The following SYT11 variants were observed in gnomAD, a reference collection of about 807,000 sequenced individuals.
SYT11 encodes the protein synaptotagmin 11, also known as synaptotagmin-11.
SYT11 carries 12 observed loss-of-function variants against 30.4 expected under a neutral mutation model. That is an observed-to-expected ratio of 0.39 (90% confidence interval 0.25 to 0.64). SYT11 has a LOEUF of 0.64. SYT11 is among the 30% of genes least tolerant of loss of function. SYT11 has a pLI of 0.45. For missense variants in SYT11, 412 were observed against 552.0 expected (o/e 0.75, Z 2.54); for synonymous variants, 204 against 216.0 (o/e 0.94, Z 0.49).
intron 1 of SYT11, among the ~76,000 whole-genome samples, chr1:155,867,064 C>T (rs1476502302): frequency 2.1e-5 from 3 of 145,970 alleles, no homozygotes; most frequent in Admixed American, 6.9e-5. Flanking sequence ...GGAGGAATAC[C>T]TTTTTTTTTT....
At chr1:155,861,845 C>T (rs991169932) in intron 1 of SYT11, among the ~76,000 whole-genome samples, 2 of 152,108 alleles carry the variant, frequency 1.3e-5, no homozygotes, top group Admixed American at 6.5e-5. Flanking sequence ...CTTGAACTCC[C>T]GACCTCAGGT....
chr1:155,872,347 C>G (rs1672792532), intron 2 of SYT11, among the ~76,000 whole-genome samples: 1 of 152,192 alleles, frequency 6.6e-6, no homozygotes, highest in African/African-American at 2.4e-5. Flanking sequence ...CATCTGGCCT[C>G]AAGAAGGGTT....
intron 2 of SYT11, among the ~76,000 whole-genome samples, chr1:155,873,242 A>G (rs962810445): frequency 3.3e-5 from 5 of 152,168 alleles, no homozygotes; most frequent in Non-Finnish European, 7.4e-5. Flanking sequence ...CCTGGCCAAC[A>G]TGGTGAAACC....
chr1:155,877,717 C>A (rs902369396), intron 2 of SYT11, among the ~76,000 whole-genome samples: 1 of 151,882 alleles, frequency 6.6e-6, no homozygotes, highest in South Asian at 2.1e-4. Context: ...CCACGCCCGG[C>A]TAATTTTTTT....
In SYT11 at chr1:155,875,249, C is replaced by CAA. The variant is rs765396768; in HGVS notation, c.862-5234_862-5233dup. Among the ~76,000 whole-genome samples, 164 of 88,072 alleles carry CAA rather than the reference C, an allele frequency of 1.9e-3. 2 individuals are homozygous for CAA. Among genetic ancestry groups the CAA allele is most frequent in the Middle Eastern group, 0.014 (2 of 146 alleles). The allele number at this position is 88,072 out of a possible 152,430, so 57.8% of individuals were successfully genotyped here. ...TGTGTGACAGAGCGAGACTTCATCT[C>CAA]AAAAAAAAAAAAAAAAAAGCTGACA... On this transcript the variant is annotated intron_variant, in intron 2 of 3. Transcript: ENST00000368324.
At chr1:155,870,643 G>A (rs916005966) in intron 2 of SYT11, among the ~76,000 whole-genome samples, 2 of 152,192 alleles carry the variant, frequency 1.3e-5, no homozygotes, top group Non-Finnish European at 2.9e-5. Flanking sequence ...GCTCAGGACT[G>A]GATAGAAGAG....
chr1:155,874,121 C>T (rs1444290796), intron 2 of SYT11, among the ~76,000 whole-genome samples: 4 of 151,848 alleles, frequency 2.6e-5, no homozygotes, highest in South Asian at 2.1e-4. Context: ...GCCAACGTGG[C>T]GGAAACCCCA....
At chr1:155,874,127 C>T (rs771416872) in intron 2 of SYT11, among the ~76,000 whole-genome samples, 13 of 152,006 alleles carry the variant, frequency 8.6e-5, no homozygotes, top group Non-Finnish European at 1.6e-4. Context: ...GTGGCGGAAA[C>T]CCCAGACATG....
intron 2 of SYT11, among the ~76,000 whole-genome samples, chr1:155,875,491 C>T (rs1382260236): frequency 6.6e-6 from 1 of 151,820 alleles, no homozygotes. Flanking sequence ...GCAAACTCCA[C>T]CTCCTGGGTT....
rs749599151 is a variant in SYT11 at position 155,860,018 on chromosome 1, G to A, written c.34+223G>A. On this transcript the variant is annotated intron_variant, in intron 1 of 3. Coordinates refer to ENST00000368324, the MANE Select transcript of SYT11 (RefSeq NM_152280.5). This position sits in a 1 kb window ranked among gnomAD's most constrained non-coding sequence, Gnocchi z 4.1. The stretch of plus-strand genomic sequence containing the variant: ...TGGCAGGGCCTGAGCCACACCGAGG[G>A]TGGGGAAGTCCAGGATGCTAAAACC... 1.3e-5 allele frequency among the ~76,000 whole-genome samples: 2 copies of A among 152,252 alleles called. No individual in the cohort carries two copies. The highest frequency in any genetic ancestry group is 2.9e-5 in the Non-Finnish European group (2 of 68,040).
chr1:155,873,492 C>CT lies in SYT11; in HGVS notation c.861+4701_861+4702insT, dbSNP rs1672810756. Among the ~76,000 whole-genome samples, 6 of 152,268 alleles carry CT rather than the reference C, an allele frequency of 3.9e-5. No individual in the cohort carries two copies. In the South Asian group the frequency reaches 1.2e-3, roughly 32 times the overall value. On this transcript the variant is annotated intron_variant, in intron 2 of 3. Transcript: ENST00000368324. ...CTTCCTCTGTATATAAAGTTAGAAT[C>CT]ATATTTAAAGACTGCATATTTAGTA...
chr1:155,865,706 C>G (rs1337403088), intron 1 of SYT11, among the ~76,000 whole-genome samples: 1 of 150,686 alleles, frequency 6.6e-6, no homozygotes, highest in Non-Finnish European at 1.5e-5. Context: ...CTTTTTTTTC[C>G]TCGCTCTGTT....
chr1:155,878,884 AAAAT>A (rs1404610510), intron 2 of SYT11, among the ~76,000 whole-genome samples: 5 of 151,164 alleles, frequency 3.3e-5, no homozygotes, highest in Non-Finnish European at 7.4e-5. Flanking sequence ...ATAAAATTAA[AAAAT>A]AAATAAATAA....
intron 1 of SYT11, among the ~76,000 whole-genome samples, chr1:155,863,293 A>C (rs1004218699): frequency 6.6e-6 from 1 of 151,738 alleles, no homozygotes; most frequent in Non-Finnish European, 1.5e-5. Flanking sequence ...TCTAAAAAAA[A>C]TTTTTTTTAA....
chr1:155,867,863 G>C, intron 1 of SYT11, 102 bp from the exon 2 acceptor site: 1 of 912,944 alleles, frequency 1.1e-6, no homozygotes, highest in East Asian at 2.6e-5. Flanking sequence ...TTAGAGGCTA[G>C]ATTGAAGATT....
Position 155,881,259 on chromosome 1 carries a change from T to A in SYT11, c.1047T>A (p.His349Gln), listed in dbSNP as rs1158437866. 6.2e-7 allele frequency: 1 copy of A among 1,614,144 alleles called. No individual in the cohort carries two copies. The stretch of plus-strand genomic sequence containing the variant: ...AGCGCATTGCCAAGAAGAAAACCCA[T>A]GTGAAGAAGTGCACTTTGAACCCCA... ...GRKRIAKKKT[H>Q]VKKCTLNPIF... The change falls in exon 4 of 4, where the codon CAT becomes CAA. Residue 349 changes from histidine (H) to glutamine (Q), a missense_variant. Coordinates refer to ENST00000368324, the MANE Select transcript of SYT11 (RefSeq NM_152280.5).
rs1468439551 is a variant in SYT11, at chr1:155,884,793, G to A, written c.*3285G>A. 1 of 152,662 alleles carries A rather than the reference G, an allele frequency of 6.6e-6. No homozygotes were observed. The highest frequency in any genetic ancestry group is 1.9e-4 in the East Asian group (1 of 5,332). The allele number at this position is 152,662 out of a possible 1,614,324, so 9.5% of individuals were successfully genotyped here. A position where few individuals can be genotyped will look rare whatever the true frequency, so the allele number is the denominator to read the frequency against. The stretch of plus-strand genomic sequence containing the variant: ...TTCCTTCTTTCAGTTCATCTCACTG[G>A]AGCACAGCCAAGATGGACATGTTTA... On this transcript the variant is annotated 3_prime_UTR_variant, in exon 4 of 4. Transcript: ENST00000368324.
chr1:155,873,890 A>G (rs1672818132), intron 2 of SYT11, among the ~76,000 whole-genome samples: 1 of 152,176 alleles, frequency 6.6e-6, no homozygotes, highest in Admixed American at 6.5e-5. Flanking sequence ...ATTACTTTTC[A>G]TTTGATGTGG....
chr1:155,867,933 C>T (rs753866715), intron 1 of SYT11, 32 bp from the exon 2 acceptor site: 35 of 1,541,864 alleles, frequency 2.3e-5, no homozygotes, highest in African/African-American at 2.7e-5. Context: ...GAAGTCCACC[C>T]GCCCTGACAC....
Sources: gnomAD v4.1 joint callset for allele counts (sites outside exome capture counted in the v4.1 genomes callset) on GRCh38, gnomAD v4.1.1 for gene constraint, Gnocchi (gnomAD v3.1) non-coding constraint, MANE v1.5 for transcripts, NCBI Gene and HGNC (gene_info 2026-07-23, HGNC 2026-07-21) for gene names.